The following HTR2C variants were observed in gnomAD, a reference collection of about 807,000 sequenced individuals.
The protein encoded by HTR2C is 5-hydroxytryptamine receptor 2C.
HTR2C carries 5 observed loss-of-function variants against 21.0 expected under a neutral mutation model. The observed-to-expected ratio is 0.24, with a 90% CI of 0.12 to 0.50. The LOEUF (loss-of-function observed/expected upper bound fraction) is 0.50, where lower values mean the gene tolerates loss of function less well. HTR2C is among the 20% of genes least tolerant of loss of function. HTR2C has a pLI of 0.98. For synonymous variants in HTR2C, 150 were observed against 145.3 expected, an observed-to-expected ratio of 1.03 and a Z score of -0.23; for missense variants, 271 against 371.2, an observed-to-expected ratio of 0.73 and a Z score of 2.22.
At chrX:114,860,108 C>T (rs1323276962) in intron 5 of HTR2C, among the ~76,000 whole-genome samples, 1 of 111,328 alleles carries the variant, frequency 9.0e-6, no homozygotes, top group African/African-American at 3.3e-5. Context: ...TCTATGTCTA[C>T]CTCAAAAGAC....
chrX:114,755,935 T>A (rs782551812), intron 4 of HTR2C, among the ~76,000 whole-genome samples: 4 of 109,726 alleles, frequency 3.6e-5, no homozygotes, highest in Non-Finnish European at 7.6e-5. Context: ...CATTGCAAGA[T>A]CCTATGTCTA....
chrX:114,829,574 CCT>C (rs2070704017), intron 4 of HTR2C, among the ~76,000 whole-genome samples: 1 of 111,152 alleles, frequency 9.0e-6, no homozygotes. Flanking sequence ...AAGATTTACC[CCT>C]GTGTCCTTTT....
rs1254591292 is a variant in HTR2C, at chrX:114,832,688, T to A, written c.350-15315T>A. On this transcript the variant is annotated intron_variant, in intron 4 of 5. Transcript: ENST00000276198. ...CCTCTTTTCCTAATTGAATACCCTT[T>A]ATTTCTTTCTCCTGCCTAATTGTCC... 2.5e-4 allele frequency among the ~76,000 whole-genome samples: 9 copies of A among 35,360 alleles called. 2 individuals are homozygous for A. Among genetic ancestry groups the A allele is most frequent in the African/African-American group, 5.1e-4 (9 of 17,484 alleles). The allele number at this position is 35,360 out of a possible 115,157, so 30.7% of individuals were successfully genotyped here.
chrX:114,637,053 A>C (rs1556405360), intron 2 of HTR2C, among the ~76,000 whole-genome samples: 1 of 112,014 alleles, frequency 8.9e-6, no homozygotes, highest in Non-Finnish European at 1.9e-5. Context: ...TTTTAAAAAA[A>C]TAAGTGAATT....
At chrX:114,856,443 C>A (rs901440204) in intron 5 of HTR2C, among the ~76,000 whole-genome samples, 6 of 100,733 alleles carry the variant, frequency 6.0e-5, no homozygotes, top group Middle Eastern at 4.4e-3. Flanking sequence ...GCTACCAATG[C>A]CTTTCTTCAC....
chrX:114,740,705 A>G (rs2069636451), intron 4 of HTR2C, among the ~76,000 whole-genome samples: 1 of 112,049 alleles, frequency 8.9e-6, no homozygotes, highest in Non-Finnish European at 1.9e-5. Flanking sequence ...ATTTGAAACT[A>G]ATAACATAAC....
intron 4 of HTR2C, among the ~76,000 whole-genome samples, chrX:114,806,913 GTATATACCATA>G (rs2070458652): frequency 2.3e-5 from 2 of 85,264 alleles, no homozygotes; most frequent in African/African-American, 4.2e-5. Flanking sequence ...CACACCATAT[GTATATACCATA>G]TATATACCAT....
chrX:114,647,657 A>G (rs1930412087), intron 2 of HTR2C, among the ~76,000 whole-genome samples: 1 of 112,637 alleles, frequency 8.9e-6, no homozygotes, highest in African/African-American at 3.2e-5. Context: ...ACAAATAATT[A>G]AAACAAAATC....
intron 4 of HTR2C, among the ~76,000 whole-genome samples, chrX:114,840,310 A>G (rs1437960137): frequency 9.0e-6 from 1 of 111,531 alleles, no homozygotes; most frequent in Non-Finnish European, 1.9e-5. Context: ...GGAAAACCTC[A>G]GAAGATAAAT....
chrX:114,888,715 T>A (rs2071238774), intron 5 of HTR2C, among the ~76,000 whole-genome samples: 1 of 111,976 alleles, frequency 8.9e-6, no homozygotes, highest in Admixed American at 9.5e-5. Context: ...CTTCATATTT[T>A]GCATGTCTCC....
intron 2 of HTR2C, among the ~76,000 whole-genome samples, chrX:114,639,147 G>C (rs1929987002): frequency 2.7e-5 from 3 of 111,577 alleles, no homozygotes; most frequent in South Asian, 7.4e-4. Flanking sequence ...AAAAGAAAAA[G>C]GGCTTCTCCT....
chrX:114,880,877 T>A (rs2071176056), intron 5 of HTR2C, among the ~76,000 whole-genome samples: 1 of 111,498 alleles, frequency 9.0e-6, no homozygotes, highest in African/African-American at 3.2e-5. Flanking sequence ...AATGCTGCTA[T>A]GAACACTAAT....
At chrX:114,705,946 C>A (rs1266918612) in intron 2 of HTR2C, among the ~76,000 whole-genome samples, 1 of 51,019 alleles carries the variant, frequency 2.0e-5, no homozygotes, top group Admixed American at 3.2e-4. Context: ...AGCCAAAAAA[C>A]ACATGAAAAA....
chrX:114,798,953 G>T (rs1028029117), intron 4 of HTR2C, among the ~76,000 whole-genome samples: 1 of 109,296 alleles, frequency 9.1e-6, no homozygotes. Flanking sequence ...AGCCCAGAGC[G>T]CACACACACA....
intron 5 of HTR2C, among the ~76,000 whole-genome samples, chrX:114,897,879 A>G (rs1274845066): frequency 1.8e-5 from 2 of 112,420 alleles, no homozygotes; most frequent in Non-Finnish European, 3.7e-5. Flanking sequence ...ACATGCATGT[A>G]TCTTTATAAC....
chrX:114,605,659 C>T (rs1171567251), intron 1 of HTR2C, among the ~76,000 whole-genome samples: 8 of 111,041 alleles, frequency 7.2e-5, no homozygotes, highest in Non-Finnish European at 1.3e-4. Context: ...TGGGGTGAAG[C>T]GGCATTGCAG....
chrX:114,884,544 TA>T (rs782700558), intron 5 of HTR2C, among the ~76,000 whole-genome samples: 1 of 110,395 alleles, frequency 9.1e-6, no homozygotes, highest in Non-Finnish European at 1.9e-5. Context: ...CCGGCACATA[TA>T]AAAAAAATGC....
chrX:114,767,574 T>C (rs1378791098), intron 4 of HTR2C, among the ~76,000 whole-genome samples: 1 of 109,788 alleles, frequency 9.1e-6, no homozygotes, highest in Non-Finnish European at 1.9e-5. Context: ...GGATTTACTA[T>C]TTTAAGAGCA....
rs1470597792 is a variant in HTR2C at position 114,831,228 on chromosome X, G to A, written c.350-16775G>A. 1.4e-4 allele frequency among the ~76,000 whole-genome samples: 13 copies of A among 91,585 alleles called. No individual in the cohort carries two copies. In the East Asian group the frequency reaches 5.0e-3, roughly 35 times the overall value. 79.5% of individuals were successfully genotyped at this position (91,585 alleles called of 115,157 possible). On this transcript the variant is annotated intron_variant, in intron 4 of 5. Transcript: ENST00000276198. ...GTATATACCCAGTAATGGGATGGCT[G>A]GGTCAAATGGTATTTCTAGTTCTAG...
Sources: gnomAD v4.1 joint callset for allele counts (sites outside exome capture counted in the v4.1 genomes callset) on GRCh38, gnomAD v4.1.1 for gene constraint, MANE v1.5 for transcripts, NCBI Gene and HGNC (gene_info 2026-07-23, HGNC 2026-07-21) for gene names.